Variants in VAT1L observed in about 807,000 individuals in gnomAD.
VAT1L encodes vesicle amine transport 1 like.
Under a neutral mutation model 44.1 loss-of-function variants are expected in VAT1L, and 34 were observed. The observed-to-expected ratio is 0.77, with a 90% CI of 0.59 to 1.03. The LOEUF (loss-of-function observed/expected upper bound fraction) is 1.03. VAT1L is among the 50% of genes least tolerant of loss of function. The pLI is 0.00. For synonymous variants in VAT1L, 253 were observed against 202.2 expected (o/e 1.25, Z -2.13); for missense variants, 615 against 538.8 (o/e 1.14, Z -1.40).
chr16:77,879,257 TG>T lies in VAT1L; in HGVS notation c.882+35del. 6.2e-7 allele frequency: 1 copy of T among 1,605,894 alleles called. No homozygotes were observed. The highest frequency in any genetic ancestry group is 8.5e-7 in the Non-Finnish European group (1 of 1,172,844). On this transcript the variant is annotated intron_variant, in intron 6 of 8. Transcript: ENST00000302536. The surrounding 1 kb of genome is among the most constrained non-coding windows in gnomAD (Gnocchi z 4.1). ...TCCAGGCACATCTGATGTACTGTGG[TG>T]GCATGTTGATTCACATGTTGAGAGC... is the stretch of plus-strand genomic sequence containing the variant.
At chr16:77,789,535 G>T (rs932591934) in intron 1 of VAT1L, among the ~76,000 whole-genome samples, 2 of 152,142 alleles carry the variant, frequency 1.3e-5, no homozygotes, top group African/African-American at 4.8e-5. Flanking sequence ...TGCAGGGCTG[G>T]ATCCCGCCTC....
intron 7 of VAT1L, among the ~76,000 whole-genome samples, chr16:77,904,278 A>G (rs6564482): frequency 0.78 from 118,185 of 151,348 alleles, 46,412 homozygotes; most frequent in South Asian, 0.9. Context: ...TTTTTACAAC[A>G]GCTTTTAATT....
chr16:77,865,325 C>T (rs1007999968), intron 4 of VAT1L, among the ~76,000 whole-genome samples: 2 of 152,136 alleles, frequency 1.3e-5, no homozygotes, highest in African/African-American at 4.8e-5. Context: ...AATGAACTAT[C>T]GTTGTCCCTT....
intron 3 of VAT1L, among the ~76,000 whole-genome samples, chr16:77,851,009 A>T (rs890919257): frequency 6.6e-6 from 1 of 152,126 alleles, no homozygotes; most frequent in Admixed American, 6.5e-5. Flanking sequence ...TGACAGACAC[A>T]AGCCTTGCTA....
At chr16:77,890,784 C>T (rs1429802840) in intron 7 of VAT1L, among the ~76,000 whole-genome samples, 2 of 151,970 alleles carry the variant, frequency 1.3e-5, no homozygotes, top group East Asian at 1.9e-4. Context: ...ATTAGCCAGG[C>T]GTGGTGGTAC....
At chr16:77,895,412 C>G (rs2017313404) in intron 7 of VAT1L, among the ~76,000 whole-genome samples, 1 of 152,114 alleles carries the variant, frequency 6.6e-6, no homozygotes, top group African/African-American at 2.4e-5. Context: ...ATGAAAGACT[C>G]TGAGACAAGG....
intron 6 of VAT1L, chr16:77,882,370 G>A (rs1416076309): frequency 2.0e-5 from 3 of 152,226 alleles, no homozygotes; most frequent in African/African-American, 7.2e-5. Flanking sequence ...AATAGAAGAA[G>A]TTAACATTTA....
intron 7 of VAT1L, among the ~76,000 whole-genome samples, chr16:77,962,860 TGCTTAA>T (rs1177707457): frequency 1.3e-5 from 2 of 152,038 alleles, no homozygotes; most frequent in Non-Finnish European, 2.9e-5. Context: ...ACAGGAGGAT[TGCTTAA>T]GCCTGGGAGG....
At chr16:77,794,691 T>G (rs2015896398) in intron 1 of VAT1L, among the ~76,000 whole-genome samples, 1 of 152,314 alleles carries the variant, frequency 6.6e-6, no homozygotes, top group African/African-American at 2.4e-5. Context: ...AGAGGGTTTC[T>G]AATGCCAAGC....
In VAT1L at chr16:77,874,229, A is replaced by C. The variant is rs376805671; in HGVS notation, c.723-2141A>C. ...CTGCAGGCAAGGGGAGAGGTCTTGG[A>C]GAAATGCAGTTCACTGAGATGACTT... On this transcript the variant is annotated intron_variant, in intron 4 of 8. Transcript: ENST00000302536. 1.7e-4 allele frequency among the ~76,000 whole-genome samples: 26 copies of C among 152,220 alleles called. No homozygotes were observed. The East Asian group carries it at 4.8e-3, about 28-fold the overall frequency.
At chr16:77,914,189 C>T (rs1260433650) in intron 7 of VAT1L, among the ~76,000 whole-genome samples, 2 of 152,052 alleles carry the variant, frequency 1.3e-5, no homozygotes, top group African/African-American at 2.4e-5. Context: ...AGTCATTCAA[C>T]AAAACTATTA....
chr16:77,905,905 A>G (rs1418622805), intron 7 of VAT1L, among the ~76,000 whole-genome samples: 1 of 152,170 alleles, frequency 6.6e-6, no homozygotes, highest in Non-Finnish European at 1.5e-5. Flanking sequence ...GTTTACGCTT[A>G]TATTTACTCC....
chr16:77,809,863 G>C (rs1273029377), intron 1 of VAT1L, among the ~76,000 whole-genome samples: 1 of 152,144 alleles, frequency 6.6e-6, no homozygotes, highest in Admixed American at 6.5e-5. Context: ...ATCCTTCATG[G>C]TCTTCACAAA....
intron 1 of VAT1L, among the ~76,000 whole-genome samples, chr16:77,793,911 G>C (rs1402018014): frequency 6.6e-6 from 1 of 152,144 alleles, no homozygotes; most frequent in East Asian, 1.9e-4. Context: ...AACTGAGTTG[G>C]CTGCAATACA....
intron 3 of VAT1L, among the ~76,000 whole-genome samples, chr16:77,832,201 C>T (rs1345182188): frequency 1.3e-5 from 2 of 151,808 alleles, no homozygotes; most frequent in Non-Finnish European, 1.5e-5. Flanking sequence ...TATGGGCAAA[C>T]GGTATCTTGG....
At chr16:77,924,743 G>C (rs984112463) in intron 7 of VAT1L, among the ~76,000 whole-genome samples, 1 of 152,270 alleles carries the variant, frequency 6.6e-6, no homozygotes, top group East Asian at 1.9e-4. Flanking sequence ...ACAGGCGTGA[G>C]CCACCACGCC....
At chr16:77,909,435 G>A (rs535833721) in intron 7 of VAT1L, among the ~76,000 whole-genome samples, 4 of 151,982 alleles carry the variant, frequency 2.6e-5, no homozygotes, top group African/African-American at 4.8e-5. Flanking sequence ...TCAGGAGTTC[G>A]AGACCAGCCT....
intron 3 of VAT1L, among the ~76,000 whole-genome samples, chr16:77,855,793 G>A (rs1423788303): frequency 2.6e-5 from 4 of 152,112 alleles, no homozygotes; most frequent in African/African-American, 7.2e-5. Context: ...GCCAAGGCGG[G>A]CGGATCACGA....
intron 1 of VAT1L, among the ~76,000 whole-genome samples, chr16:77,804,237 A>G (rs1287661993): frequency 2.0e-5 from 3 of 152,210 alleles, no homozygotes; most frequent in Non-Finnish European, 2.9e-5. Flanking sequence ...TGGAGCATAA[A>G]GATGTTAACC....
Sources: allele counts gnomAD v4.1 joint callset (sites outside exome capture counted in the v4.1 genomes callset), GRCh38; gene constraint gnomAD v4.1.1; non-coding constraint Gnocchi (gnomAD v3.1); transcripts MANE v1.5; gene names NCBI Gene and HGNC (gene_info 2026-07-23, HGNC 2026-07-21).